The following FRRS1L variants were observed in gnomAD, a reference collection of about 807,000 sequenced individuals.
FRRS1L encodes DOMON domain-containing protein FRRS1L.
Under a neutral mutation model 28.6 loss-of-function variants are expected in FRRS1L, and 22 were observed. That is an observed-to-expected ratio of 0.77 (90% CI 0.55 to 1.10). FRRS1L has a LOEUF of 1.10. Among genes scored for constraint, FRRS1L ranks in the 50% least tolerant of loss-of-function variants. FRRS1L has a pLI of 0.00. For synonymous variants in FRRS1L, 158 were observed against 151.4 expected, an observed-to-expected ratio of 1.04 and a Z score of -0.32; for missense variants, 380 against 386.9, an observed-to-expected ratio of 0.98 and a Z score of 0.15.
At chr9:109,154,641 A>G (rs1831380837) in intron 1 of FRRS1L, among the ~76,000 whole-genome samples, 1 of 152,226 alleles carries the variant, frequency 6.6e-6, no homozygotes, top group Admixed American at 6.5e-5. Flanking sequence ...TTATCAGTCT[A>G]TACAAAGCCA....
intron 1 of FRRS1L, 138 bp downstream of exon 1, chr9:109,166,763 G>C (rs1831555667): frequency 2.2e-6 from 1 of 449,322 alleles, no homozygotes; most frequent in Non-Finnish European, 3.6e-6. Flanking sequence ...TCCTGGCCTC[G>C]CCTCTGCAAG....
rs187559183 is a variant in FRRS1L, at chr9:109,153,133, C to T, written c.239-3413G>A. On this transcript the variant is annotated intron_variant, in intron 1 of 4. Coordinates refer to ENST00000561981, the MANE Select transcript of FRRS1L (RefSeq NM_014334.4). ...GACAAACTCTAAAACCTTGGAATTT[C>T]CCAAGTAATGGGAGTGTTTTTGTTC... 3.8e-3 allele frequency among the ~76,000 whole-genome samples: 575 copies of T among 152,218 alleles called. 1 individual carries two copies. Among genetic ancestry groups the T allele is most frequent in the Non-Finnish European group, 6.2e-3 (423 of 68,030 alleles).
At chr9:109,164,966 A>G (rs1055036234) in intron 1 of FRRS1L, among the ~76,000 whole-genome samples, 1 of 152,214 alleles carries the variant, frequency 6.6e-6, no homozygotes, top group Non-Finnish European at 1.5e-5. Context: ...TTTCTGGACT[A>G]TACAATGAAC....
chr9:109,148,990 A>T (rs535574405), intron 2 of FRRS1L, among the ~76,000 whole-genome samples: 1 of 152,320 alleles, frequency 6.6e-6, no homozygotes, highest in Admixed American at 6.5e-5. Context: ...TACAGTGACC[A>T]TCAAAACTTT....
chr9:109,162,144 T>C (rs1222797505), intron 1 of FRRS1L, among the ~76,000 whole-genome samples: 3 of 152,180 alleles, frequency 2.0e-5, no homozygotes, highest in African/African-American at 7.2e-5. Flanking sequence ...GGTGAAACCC[T>C]GTCTCTACTA....
At chr9:109,158,180 G>A (rs549438091) in intron 1 of FRRS1L, among the ~76,000 whole-genome samples, 1 of 152,120 alleles carries the variant, frequency 6.6e-6, no homozygotes, top group Admixed American at 6.5e-5. Context: ...TTCTTTGATG[G>A]GTAAAAAATT....
chr9:109,153,994 A>T (rs1831371939), intron 1 of FRRS1L, among the ~76,000 whole-genome samples: 1 of 152,116 alleles, frequency 6.6e-6, no homozygotes, highest in Admixed American at 6.6e-5. Flanking sequence ...AGGCAGGAGG[A>T]GGGAAAGAGG....
intron 3 of FRRS1L, among the ~76,000 whole-genome samples, chr9:109,144,157 G>C (rs1388768717): frequency 1.3e-5 from 2 of 152,098 alleles, no homozygotes; most frequent in Non-Finnish European, 2.9e-5. Flanking sequence ...CTCTAGGGCA[G>C]GAGATAAGTA....
At chr9:109,157,561 AT>A (rs1171600717) in intron 1 of FRRS1L, among the ~76,000 whole-genome samples, 3 of 151,844 alleles carry the variant, frequency 2.0e-5, no homozygotes, top group African/African-American at 4.8e-5. Flanking sequence ...TAATTTTTAA[AT>A]TTTTTTGTAG....
intron 1 of FRRS1L, among the ~76,000 whole-genome samples, chr9:109,158,871 A>T (rs1039039323): frequency 6.6e-6 from 1 of 152,206 alleles, no homozygotes; most frequent in Non-Finnish European, 1.5e-5. Context: ...TTCTGTGTTT[A>T]ACTTTTTGAG....
intron 1 of FRRS1L, among the ~76,000 whole-genome samples, chr9:109,156,636 G>A (rs1212757575): frequency 6.7e-6 from 1 of 149,726 alleles, no homozygotes; most frequent in Non-Finnish European, 1.5e-5. Context: ...TGATCCGCCC[G>A]CCTCGGCCTC....
chr9:109,130,501 C>T lies in FRRS1L; in HGVS notation c.*6954G>A, dbSNP rs1232933482. On this transcript the variant is annotated 3_prime_UTR_variant, in exon 5 of 5. Coordinates refer to ENST00000561981, the MANE Select transcript of FRRS1L (RefSeq NM_014334.4). ...CAATTACTTTACATAAATAGAAATC[C>T]ACGTCTTTATTAGTAATGTGCCACA... The T allele has an allele frequency of 6.6e-6, 1 of 151,960 alleles. No homozygotes were observed. The highest frequency in any genetic ancestry group is 1.5e-5 in the Non-Finnish European group (1 of 68,000). 9.4% of individuals were successfully genotyped at this position (151,960 alleles called of 1,614,324 possible).
intron 1 of FRRS1L, among the ~76,000 whole-genome samples, chr9:109,165,496 C>G (rs1588105966): frequency 6.6e-6 from 1 of 152,194 alleles, no homozygotes; most frequent in African/African-American, 2.4e-5. Context: ...CCAGACCAAC[C>G]AGACTCTTAT....
chr9:109,154,553 A>C (rs55875653), intron 1 of FRRS1L, among the ~76,000 whole-genome samples: 9,967 of 152,296 alleles, frequency 0.065, 420 homozygotes, highest in Admixed American at 0.13. Flanking sequence ...TCTAATGGGA[A>C]ATTATTTTAA....
intron 1 of FRRS1L, among the ~76,000 whole-genome samples, chr9:109,165,316 A>G (rs1831534202): frequency 6.6e-6 from 1 of 152,210 alleles, no homozygotes; most frequent in African/African-American, 2.4e-5. Flanking sequence ...CTAAAAGGTA[A>G]CTACTTGCCC....
chr9:109,161,920 A>G (rs1438952963), intron 1 of FRRS1L, among the ~76,000 whole-genome samples: 1 of 152,182 alleles, frequency 6.6e-6, no homozygotes, highest in Non-Finnish European at 1.5e-5. Context: ...CACAGAAGCA[A>G]ACTCAGCCTT....
intron 1 of FRRS1L, among the ~76,000 whole-genome samples, chr9:109,156,385 C>T (rs1438747646): frequency 6.6e-6 from 1 of 151,976 alleles, no homozygotes; most frequent in Non-Finnish European, 1.5e-5. Context: ...TAATTGAATG[C>T]TTAGCTTACT....
At chr9:109,166,557 G>A (rs564916013) in intron 1 of FRRS1L, among the ~76,000 whole-genome samples, 5 of 152,108 alleles carry the variant, frequency 3.3e-5, no homozygotes, top group South Asian at 2.1e-4. Context: ...AACCCCAGGC[G>A]GCAAAGGTGG....
At position 109,132,536 on chromosome 9, in the gene FRRS1L, T is replaced by G. The variant is rs946082526; in HGVS notation, c.*4919A>C. 6.6e-6 allele frequency: 1 copy of G among 152,212 alleles called. No individual in the cohort carries two copies. The highest frequency in any genetic ancestry group is 1.5e-5 in the Non-Finnish European group (1 of 68,046). The allele number at this position is 152,212 out of a possible 1,614,324, so 9.4% of individuals were successfully genotyped here. ...ACAATAATTTATTTTAAAAGCAAAT[T>G]ATTCACTAACTTTGATATTCTTACA... On this transcript the variant is annotated 3_prime_UTR_variant, in exon 5 of 5. Transcript: ENST00000561981.
Sources: gnomAD v4.1 joint callset for allele counts (sites outside exome capture counted in the v4.1 genomes callset) on GRCh38, gnomAD v4.1.1 for gene constraint, MANE v1.5 for transcripts, NCBI Gene and HGNC (gene_info 2026-07-23, HGNC 2026-07-21) for gene names.